Variants in LIPC observed in about 807,000 individuals in gnomAD.
LIPC encodes hepatic triacylglycerol lipase.
A neutral mutation model predicts 50.7 loss-of-function variants in LIPC; 44 were observed. That is an observed-to-expected ratio of 0.87 (90% CI 0.68 to 1.11). The LOEUF (loss-of-function observed/expected upper bound fraction) is 1.11, where lower values mean the gene tolerates loss of function less well. LIPC is among the 50% of genes most tolerant of loss of function. The pLI is 0.00. For synonymous variants in LIPC, 271 were observed against 256.4 expected (o/e 1.06, Z -0.54); for missense variants, 697 against 648.2 (o/e 1.08, Z -0.82).
chr15:58,541,895 C>T lies in LIPC; in HGVS notation c.384C>T (p.Asp128=), dbSNP rs769213438. 18 of 1,612,204 alleles carry T rather than the reference C, an allele frequency of 1.1e-5. No homozygotes were observed. The highest frequency in any genetic ancestry group is 4.4e-5 in the South Asian group (4 of 91,020). ...GLVDWITLAH[D]HYTIAVRNTR... ...TGGACTGGATCACCCTGGCCCACGA[C>T]CACTACACCATCGCCGTCCGCAACA... is the stretch of plus-strand genomic sequence containing the variant. The change falls in exon 3 of 9, where the codon GAC becomes GAT. Residue 128 remains aspartate, a synonymous_variant. Coordinates refer to ENST00000299022, the MANE Select transcript of LIPC (RefSeq NM_000236.3).
At chr15:58,555,394 C>G (rs1399668804) in intron 6 of LIPC, among the ~76,000 whole-genome samples, 1 of 152,138 alleles carries the variant, frequency 6.6e-6, no homozygotes, top group East Asian at 1.9e-4. Flanking sequence ...TCATTAGAAG[C>G]AGGTGTTGAA....
chr15:58,469,202 G>A (rs531028800), intron 1 of LIPC, among the ~76,000 whole-genome samples: 30 of 149,920 alleles, frequency 2.0e-4, no homozygotes, highest in Middle Eastern at 3.4e-3. Context: ...TGGCATGATC[G>A]TAGTTTACTC....
At chr15:58,439,322 C>G (rs1286724905) in intron 1 of LIPC, among the ~76,000 whole-genome samples, 2 of 152,186 alleles carry the variant, frequency 1.3e-5, no homozygotes, top group Non-Finnish European at 2.9e-5. Context: ...GGTATATTGA[C>G]TTTCATGATT....
chr15:58,532,273 C>G (rs1051731299), intron 1 of LIPC, among the ~76,000 whole-genome samples: 1 of 152,314 alleles, frequency 6.6e-6, no homozygotes, highest in South Asian at 2.1e-4. Flanking sequence ...AATTCCCACA[C>G]AAATGTTTCC....
At chr15:58,501,191 G>A (rs1233042349) in intron 1 of LIPC, among the ~76,000 whole-genome samples, 1 of 152,030 alleles carries the variant, frequency 6.6e-6, no homozygotes, top group African/African-American at 2.4e-5. Flanking sequence ...ACAGGGATTT[G>A]TCATCTCCTC....
chr15:58,540,570 C>T (rs555761093), intron 2 of LIPC, among the ~76,000 whole-genome samples: 9 of 152,280 alleles, frequency 5.9e-5, no homozygotes, highest in Admixed American at 5.9e-4. Context: ...AGGAATGCAT[C>T]TTACCCTGGA....
intron 1 of LIPC, among the ~76,000 whole-genome samples, chr15:58,532,524 T>G (rs4503731): frequency 6.6e-6 from 1 of 152,210 alleles, no homozygotes; most frequent in African/African-American, 2.4e-5. Context: ...AAAGCCCCCC[T>G]ACACACACAT....
At chr15:58,474,513 GAA>G (rs67354532) in intron 1 of LIPC, among the ~76,000 whole-genome samples, 13,392 of 130,744 alleles carry the variant, frequency 0.1, 816 homozygotes, top group Non-Finnish European at 0.14. Flanking sequence ...CCTGTCTCAG[GAA>G]AAAAAAAAAA....
intron 1 of LIPC, among the ~76,000 whole-genome samples, chr15:58,462,086 C>T (rs1409466838): frequency 6.6e-6 from 1 of 152,154 alleles, no homozygotes; most frequent in Admixed American, 6.5e-5. Context: ...CAAGTGAGGC[C>T]CACCTTCCTC....
chr15:58,521,169 T>C (rs1475577917), intron 1 of LIPC: 1 of 152,210 alleles, frequency 6.6e-6, no homozygotes. Context: ...CCCCTGCCTC[T>C]GTTCTCCCCT....
At chr15:58,471,827 C>T (rs1187026202) in intron 1 of LIPC, among the ~76,000 whole-genome samples, 1 of 152,228 alleles carries the variant, frequency 6.6e-6, no homozygotes, top group African/African-American at 2.4e-5. Flanking sequence ...ACTGCCCTTA[C>T]TGCCCTACCA....
chr15:58,446,205 T>C (rs1893689758), intron 1 of LIPC, among the ~76,000 whole-genome samples: 2 of 152,138 alleles, frequency 1.3e-5, no homozygotes, highest in African/African-American at 4.8e-5. Context: ...TACGCTAGTA[T>C]TTCTTTCTTT....
intron 1 of LIPC, among the ~76,000 whole-genome samples, chr15:58,504,682 T>C (rs1396946344): frequency 2.6e-5 from 4 of 152,212 alleles, no homozygotes; most frequent in African/African-American, 7.2e-5. Context: ...ATCTCAAATG[T>C]ATCAGAAGAA....
intron 1 of LIPC, among the ~76,000 whole-genome samples, chr15:58,535,496 A>G (rs949389564): frequency 6.6e-6 from 1 of 152,154 alleles, no homozygotes; most frequent in African/African-American, 2.4e-5. Flanking sequence ...ACTGTTTTCC[A>G]TGGTCTCTCC....
chr15:58,563,395 GC>G lies in LIPC; in HGVS notation c.1170-109del, dbSNP rs1272836444. ...GTTGAACACTAGTTTGGGAAATGCA[GC>G]AAAAATCCCAAGTCATTCAGGGAAA... On this transcript the variant is annotated intron_variant, in intron 7 of 8. Transcript: ENST00000299022. 5.3e-5 allele frequency: 48 copies of G among 905,148 alleles called. No individual in the cohort carries two copies. The East Asian group carries it at 1.1e-3, about 20-fold the overall frequency. 56.1% of individuals were successfully genotyped at this position (905,148 alleles called of 1,614,324 possible). A position where few individuals can be genotyped will look rare whatever the true frequency, so the allele number is the denominator to read the frequency against.
chr15:58,500,908 C>A (rs1412317200), intron 1 of LIPC, among the ~76,000 whole-genome samples: 8 of 151,982 alleles, frequency 5.3e-5, no homozygotes, highest in African/African-American at 1.9e-4. Context: ...ACACAGGAAC[C>A]CCTACCCCCT....
intron 1 of LIPC, among the ~76,000 whole-genome samples, chr15:58,489,221 G>A (rs761561180): frequency 9.9e-6 from 1 of 100,506 alleles, no homozygotes; most frequent in African/African-American, 4.1e-5. Flanking sequence ...TTGTTGCGGG[G>A]GCGGGGGGGC....
chr15:58,552,678 A>G (rs1246433145), intron 6 of LIPC, among the ~76,000 whole-genome samples: 1 of 152,216 alleles, frequency 6.6e-6, no homozygotes, highest in African/African-American at 2.4e-5. Context: ...TGACTCGGGC[A>G]GTCGGTCTGT....
intron 1 of LIPC, among the ~76,000 whole-genome samples, chr15:58,531,016 C>T (rs757321273): frequency 1.1e-4 from 17 of 152,132 alleles, no homozygotes; most frequent in Non-Finnish European, 1.9e-4. Flanking sequence ...CTTGAGTAAA[C>T]GCTTGAAGTT....
Sources: gnomAD v4.1 joint callset for allele counts (sites outside exome capture counted in the v4.1 genomes callset) on GRCh38, gnomAD v4.1.1 for gene constraint, MANE v1.5 for transcripts, NCBI Gene and HGNC (gene_info 2026-07-23, HGNC 2026-07-21) for gene names.